IGF2R: variants seen among roughly 807,000 people sequenced by gnomAD.
IGF2R encodes the protein insulin like growth factor 2 receptor, also known as cation-independent mannose-6-phosphate receptor.
Under a neutral mutation model 270.6 loss-of-function variants are expected in IGF2R, and 91 were observed. The observed-to-expected ratio is 0.34, with a 90% CI of 0.28 to 0.40. The LOEUF is 0.40. Among genes scored for constraint, IGF2R ranks in the 10% least tolerant of loss-of-function variants. The pLI, the probability that IGF2R is intolerant of heterozygous loss-of-function variation, is 1.00. For missense variants in IGF2R, 2,805 were observed against 3,188.3 expected (o/e 0.88, Z 2.90); for synonymous variants, 1,316 against 1,258.9 (o/e 1.05, Z -0.96).
intron 7 of IGF2R, among the ~76,000 whole-genome samples, chr6:160,029,915 G>A (rs140914797): frequency 6.6e-6 from 1 of 152,318 alleles, no homozygotes; most frequent in Non-Finnish European, 1.5e-5. Context: ...ATAATGGGAT[G>A]GTGTTTTGTT....
rs750772173 is a variant in IGF2R at position 160,080,274 on chromosome 6, C to T, written c.5832C>T (p.His1944=). 2.5e-6 allele frequency: 4 copies of T among 1,613,806 alleles called. No homozygotes were observed. The highest frequency in any genetic ancestry group is 1.7e-6 in the Non-Finnish European group (2 of 1,179,908). Residue 1944 remains histidine, a splice_region_variant and synonymous_variant, in exon 39 of 48, where the codon CAC becomes CAT. Transcript: ENST00000356956. ...DRDHEWGFCR[H]SNSYRTSSII... is the part of the protein sequence containing the mutation. ...ACCACGAGTGGGGCTTCTGCAGACA[C>T]TGTGAGTAGGACGGCTCCGCGTCCC...
At chr6:160,091,006 C>T (rs1235108634) in intron 44 of IGF2R, among the ~76,000 whole-genome samples, 1 of 142,958 alleles carries the variant, frequency 7.0e-6, no homozygotes, top group Non-Finnish European at 1.5e-5. Context: ...TGAGAAGGAG[C>T]GGGTGCTCTG....
In IGF2R at chr6:160,047,921, A is replaced by C; in HGVS notation, c.2345+14A>C. 6.5e-7 allele frequency: 1 copy of C among 1,540,958 alleles called. No individual in the cohort carries two copies. Among genetic ancestry groups the C allele is most frequent in the African/African-American group, 1.4e-5 (1 of 73,606 alleles). Reference sequence around the variant, plus strand: ...CGACCTCTCCAGGTGAGGCAGAGTCAGCTGCTCTGTTTTTGGCCTGGTACA... The same window carrying C: ...CGACCTCTCCAGGTGAGGCAGAGTCCGCTGCTCTGTTTTTGGCCTGGTACA... On this transcript the variant is annotated intron_variant, in intron 17 of 47. Transcript: ENST00000356956.
In IGF2R at chr6:160,102,607, A is replaced by G; in HGVS notation, c.6931A>G (p.Ser2311Gly). 2 of 1,613,654 alleles carry G rather than the reference A, an allele frequency of 1.2e-6. No individual in the cohort carries two copies. Among genetic ancestry groups the G allele is most frequent in the Non-Finnish European group, 8.5e-7 (1 of 1,179,766 alleles). ...ERSQAVGAVL[S>G]LLLVALTCCL... ...GAGCCAGGCAGTCGGCGCGGTGCTC[A>G]GCCTGCTGCTGGTGGCGCTCACCTG... The change falls in exon 46 of 48, where the codon AGC becomes GGC. Residue 2311 changes from serine (S) to glycine (G), a missense_variant. Transcript: ENST00000356956. The surrounding 1 kb of genome is among the most constrained non-coding windows in gnomAD (Gnocchi z 4.5).
intron 45 of IGF2R, 30 bp downstream of exon 45, chr6:160,096,655 TGTACCCCACATCTTCCC>T: frequency 6.5e-7 from 1 of 1,544,908 alleles, no homozygotes; most frequent in Non-Finnish European, 8.9e-7. Context: ...GCTTAGCACT[TGTACCCCACATCTTCCC>T]TTAAGAATAA....
rs1778524150 is a variant in IGF2R at position 160,064,723 on chromosome 6, C to T, written c.4018-81C>T. 2.6e-6 allele frequency: 3 copies of T among 1,157,276 alleles called. No individual in the cohort carries two copies. In the Admixed American group the frequency reaches 5.5e-5, roughly 21 times the overall value. The allele number at this position is 1,157,276 out of a possible 1,614,324, so 71.7% of individuals were successfully genotyped here. On this transcript the variant is annotated intron_variant, in intron 28 of 47. Coordinates refer to ENST00000356956, the MANE Select transcript of IGF2R (RefSeq NM_000876.4). ...TTTTCATGAACGTAACCATTCTTTA[C>T]TATTTTCATTCTTAAAACTCAAAGT...
intron 1 of IGF2R, among the ~76,000 whole-genome samples, chr6:159,971,280 T>G (rs1783604879): frequency 6.6e-6 from 1 of 152,164 alleles, no homozygotes; most frequent in African/African-American, 2.4e-5. Flanking sequence ...GAACCTGTGT[T>G]CACGAACTTC....
intron 20 of IGF2R, among the ~76,000 whole-genome samples, chr6:160,057,631 T>C (rs1028254157): frequency 6.6e-6 from 1 of 152,190 alleles, no homozygotes; most frequent in African/African-American, 2.4e-5. Context: ...TGGTCATACT[T>C]CCCATGATTA....
intron 4 of IGF2R, among the ~76,000 whole-genome samples, chr6:160,013,622 A>G (rs952509132): frequency 6.6e-6 from 1 of 152,070 alleles, no homozygotes; most frequent in African/African-American, 2.4e-5. Context: ...TTGAGTTTTC[A>G]TTTATTGAGA....
intron 44 of IGF2R, chr6:160,093,549 A>G (rs1251027486): frequency 3.1e-6 from 2 of 637,594 alleles, no homozygotes; most frequent in Non-Finnish European, 5.9e-6. Flanking sequence ...AGGAGAGAAC[A>G]GGACGATTTC....
At chr6:159,994,161 G>T (rs1784018868) in intron 2 of IGF2R, among the ~76,000 whole-genome samples, 1 of 151,262 alleles carries the variant, frequency 6.6e-6, no homozygotes, top group Admixed American at 6.6e-5. Context: ...CAGGATTTCT[G>T]TTTCTTCCGA....
In IGF2R at chr6:160,110,988, G is replaced by C. The variant is rs1428174021; in HGVS notation, c.*5904G>C. 1 of 152,228 alleles carries C rather than the reference G, an allele frequency of 6.6e-6. No homozygotes were observed. The allele number at this position is 152,228 out of a possible 1,614,324, so 9.4% of individuals were successfully genotyped here. A position where few individuals can be genotyped will look rare whatever the true frequency, so the allele number is the denominator to read the frequency against. On this transcript the variant is annotated 3_prime_UTR_variant, in exon 48 of 48. Coordinates refer to ENST00000356956, the MANE Select transcript of IGF2R (RefSeq NM_000876.4). Reference sequence around the variant, plus strand: ...CTATGCAACATGAATGAATTCTGGAGATCCACTGTGCAGCATGGTGACTAT... The same window carrying C: ...CTATGCAACATGAATGAATTCTGGACATCCACTGTGCAGCATGGTGACTAT...
chr6:159,978,941 C>G (rs112170700), intron 1 of IGF2R, among the ~76,000 whole-genome samples: 1 of 151,812 alleles, frequency 6.6e-6, no homozygotes, highest in Non-Finnish European at 1.5e-5. Context: ...CTAGGAGTGT[C>G]GTCCTTCACT....
At chr6:160,097,158 A>G (rs1010656775) in intron 45 of IGF2R, among the ~76,000 whole-genome samples, 2 of 152,248 alleles carry the variant, frequency 1.3e-5, no homozygotes, top group African/African-American at 2.4e-5. Flanking sequence ...GAGAATCAGC[A>G]TGAGAACAGA....
intron 35 of IGF2R, among the ~76,000 whole-genome samples, chr6:160,074,307 C>G (rs1029256800): frequency 4.6e-5 from 7 of 152,310 alleles, no homozygotes; most frequent in African/African-American, 1.7e-4. Context: ...AGCCTGGTTT[C>G]TTTGTGTGAA....
intron 2 of IGF2R, among the ~76,000 whole-genome samples, chr6:159,992,429 A>G (rs779744884): frequency 6.6e-6 from 1 of 151,960 alleles, no homozygotes; most frequent in Non-Finnish European, 1.5e-5. Flanking sequence ...ATGTGTACCT[A>G]TTATTTAGTT....
intron 12 of IGF2R, 104 bp from the exon 13 acceptor site, chr6:160,044,406 ATTTC>A (rs1045907171): frequency 3.7e-5 from 39 of 1,060,230 alleles, no homozygotes; most frequent in Middle Eastern, 3.0e-4. Flanking sequence ...GTTTGGGCTG[ATTTC>A]TTTCTTTCTT....
At chr6:160,052,280 A>G (rs1471012149) in intron 19 of IGF2R, among the ~76,000 whole-genome samples, 1 of 152,240 alleles carries the variant, frequency 6.6e-6, no homozygotes, top group East Asian at 1.9e-4. Context: ...AAGCATTCCT[A>G]TACACCATTA....
chr6:160,102,447 C>T lies in IGF2R; in HGVS notation c.6843-72C>T. 1 of 1,530,200 alleles carries T rather than the reference C, an allele frequency of 6.5e-7. No homozygotes were observed. The highest frequency in any genetic ancestry group is 8.9e-7 in the Non-Finnish European group (1 of 1,118,804). The allele number at this position is 1,530,200 out of a possible 1,614,324, so 94.8% of individuals were successfully genotyped here. A position where few individuals can be genotyped will look rare whatever the true frequency, so the allele number is the denominator to read the frequency against. On this transcript the variant is annotated intron_variant, in intron 45 of 47. Transcript: ENST00000356956. The surrounding 1 kb of genome is among the most constrained non-coding windows in gnomAD (Gnocchi z 4.5). The stretch of plus-strand genomic sequence containing the variant: ...CAGAGCTGCTCTTGCCTTGGGGACT[C>T]AGGTCTCAGGTTGTGGCTGTGGCAG...
Sources: gnomAD v4.1 joint callset for allele counts (sites outside exome capture counted in the v4.1 genomes callset) on GRCh38, gnomAD v4.1.1 for gene constraint, Gnocchi (gnomAD v3.1) non-coding constraint, MANE v1.5 for transcripts, NCBI Gene and HGNC (gene_info 2026-07-23, HGNC 2026-07-21) for gene names.